Variants in KDM4C observed in about 807,000 individuals in gnomAD.
The protein encoded by KDM4C is lysine-specific demethylase 4C.
A neutral mutation model predicts 129.3 loss-of-function variants in KDM4C; 81 were observed. The ratio of observed to expected loss-of-function variants is 0.63; its 90% confidence interval spans 0.52 to 0.75. The LOEUF is 0.75. Among genes scored for constraint, KDM4C ranks in the 30% least tolerant of loss-of-function variants. KDM4C has a pLI of 0.00. For missense variants in KDM4C, 1,457 were observed against 1,304.0 expected (o/e 1.12, Z -1.81); for synonymous variants, 573 against 456.1 (o/e 1.26, Z -3.26).
At chr9:7,101,270 C>T (rs559067002) in intron 17 of KDM4C, among the ~76,000 whole-genome samples, 1 of 152,220 alleles carries the variant, frequency 6.6e-6, no homozygotes, top group Admixed American at 6.5e-5. Context: ...TGTCTTTAAC[C>T]TACTAGATTC....
intron 8 of KDM4C, chr9:6,973,677 A>C (rs779741950): frequency 9.9e-5 from 15 of 152,168 alleles, no homozygotes; most frequent in Non-Finnish European, 1.6e-4. Context: ...TAGAGCTTCT[A>C]TTCTGGGAAT....
intron 15 of KDM4C, among the ~76,000 whole-genome samples, chr9:7,045,245 C>T (rs757598467): frequency 2.0e-5 from 3 of 151,990 alleles, no homozygotes; most frequent in Non-Finnish European, 2.9e-5. Flanking sequence ...TAACTTGTCC[C>T]TTTAGGCTTC....
intron 7 of KDM4C, among the ~76,000 whole-genome samples, chr9:6,891,251 A>G (rs1009957028): frequency 1.3e-5 from 2 of 152,154 alleles, no homozygotes; most frequent in Non-Finnish European, 2.9e-5. Context: ...CAAATTGGAA[A>G]TGACCAAATG....
At position 6,720,977 on chromosome 9, in the gene KDM4C, G is replaced by A. The variant is rs376363768; in HGVS notation, c.29G>A (p.Arg10Lys). ...AAGCACTATGGGCTGCCCTGGAAGA[G>A]GACTGAAGAAGCAGCTGCAGGTGAG... Residue 10 changes from arginine to lysine, a missense_variant, in exon 1 of 18, where the codon AGG (arginine) becomes AAG (lysine). Physicochemically the swap from Arg to Lys is conservative, Grantham distance 26 (BLOSUM62 2). Transcript: ENST00000536108. 13 of 1,551,536 alleles carry A rather than the reference G, an allele frequency of 8.4e-6. No homozygotes were observed. In the African/African-American group the frequency reaches 1.6e-4, roughly 20 times the overall value.
chr9:6,825,730 A>G lies in KDM4C; in HGVS notation c.435+10985A>G, dbSNP rs546032761. 4.4e-4 allele frequency among the ~76,000 whole-genome samples: 67 copies of G among 152,284 alleles called. No individual in the cohort carries two copies. The South Asian group carries it at 0.013, about 30-fold the overall frequency. ...AATTTGCTGGCCTATTGCTTTTGTT[A>G]TCTTCAGGTATTTATTAATGGAAAA... On this transcript the variant is annotated intron_variant, in intron 4 of 21. Coordinates refer to ENST00000381309, the MANE Select transcript of KDM4C (RefSeq NM_015061.6).
chr9:7,085,847 T>C (rs1390602265), intron 17 of KDM4C, among the ~76,000 whole-genome samples: 1 of 151,714 alleles, frequency 6.6e-6, no homozygotes, highest in African/African-American at 2.4e-5. Flanking sequence ...CTTTCTTTTT[T>C]ATTTTTCATT....
intron 8 of KDM4C, among the ~76,000 whole-genome samples, chr9:6,899,116 C>T (rs1816930692): frequency 6.6e-6 from 1 of 151,042 alleles, no homozygotes; most frequent in African/African-American, 2.4e-5. Flanking sequence ...TCTGATGGTA[C>T]AGTGTAACAG....
intron 15 of KDM4C, among the ~76,000 whole-genome samples, chr9:7,035,407 T>C (rs1354180940): frequency 2.7e-5 from 4 of 148,670 alleles, no homozygotes; most frequent in African/African-American, 9.8e-5. Flanking sequence ...TTCAGATGAG[T>C]AGTTTGCAAA....
intron 6 of KDM4C, among the ~76,000 whole-genome samples, chr9:6,886,747 C>G (rs1043237891): frequency 6.6e-6 from 1 of 152,134 alleles, no homozygotes; most frequent in Admixed American, 6.6e-5. Context: ...CCGCCTCAGC[C>G]TCCCAAAGTG....
intron 5 of KDM4C, among the ~76,000 whole-genome samples, chr9:6,852,334 A>G (rs1838999587): frequency 6.6e-6 from 1 of 152,158 alleles, no homozygotes; most frequent in African/African-American, 2.4e-5. Context: ...TCAGGGCTGT[A>G]GTCTTTATTA....
At chr9:6,852,309 A>T (rs544112351) in intron 5 of KDM4C, among the ~76,000 whole-genome samples, 1 of 152,334 alleles carries the variant, frequency 6.6e-6, no homozygotes, top group South Asian at 2.1e-4. Flanking sequence ...AGCTTAGGAC[A>T]CGAGGGCCCA....
At chr9:6,918,059 G>A (rs923923363) in intron 8 of KDM4C, among the ~76,000 whole-genome samples, 3 of 152,164 alleles carry the variant, frequency 2.0e-5, no homozygotes, top group Non-Finnish European at 4.4e-5. Context: ...TAGATGTGCA[G>A]GTTTGTTACA....
chr9:6,872,081 C>G (rs1417774933), intron 5 of KDM4C, among the ~76,000 whole-genome samples: 1 of 151,958 alleles, frequency 6.6e-6, no homozygotes, highest in Non-Finnish European at 1.5e-5. Flanking sequence ...AGGTTGACAC[C>G]TATGTGAGTG....
intron 1 of KDM4C, among the ~76,000 whole-genome samples, chr9:6,729,088 C>G (rs1233599392): frequency 3.3e-5 from 5 of 149,484 alleles, no homozygotes; most frequent in South Asian, 2.1e-4. Context: ...GTCTGTAATC[C>G]CAGCTACTCG....
At chr9:7,128,319 T>G in intron 19 of KDM4C, 83 bp downstream of exon 19, 1 of 1,134,142 alleles carries the variant, frequency 8.8e-7, no homozygotes, top group Non-Finnish European at 1.2e-6. Flanking sequence ...AGAATTTTTC[T>G]TTTGGCTTTT....
chr9:6,876,311 C>T (rs182568419), intron 5 of KDM4C, among the ~76,000 whole-genome samples: 107 of 152,264 alleles, frequency 7.0e-4, no homozygotes, highest in Admixed American at 2.2e-3. Flanking sequence ...AAATATGACT[C>T]AGTTGCTGCA....
intron 8 of KDM4C, among the ~76,000 whole-genome samples, chr9:6,900,686 C>T (rs994952207): frequency 2.0e-5 from 3 of 152,194 alleles, no homozygotes; most frequent in African/African-American, 4.8e-5. Context: ...TCTTCTCTGT[C>T]GATAAACCTA....
intron 15 of KDM4C, among the ~76,000 whole-genome samples, chr9:7,020,456 C>T (rs1363371005): frequency 6.6e-6 from 1 of 152,156 alleles, no homozygotes; most frequent in Non-Finnish European, 1.5e-5. Context: ...ATTTCATTTT[C>T]AGCTCTGTTT....
At chr9:7,111,938 G>A (rs1236224863) in intron 18 of KDM4C, among the ~76,000 whole-genome samples, 2 of 152,098 alleles carry the variant, frequency 1.3e-5, no homozygotes, top group African/African-American at 4.8e-5. Context: ...AGAGGAGATG[G>A]GTCATGGTGA....
Sources: gnomAD v4.1 joint callset for allele counts (sites outside exome capture counted in the v4.1 genomes callset) on GRCh38, gnomAD v4.1.1 for gene constraint, MANE v1.5 for transcripts, NCBI Gene and HGNC (gene_info 2026-07-23, HGNC 2026-07-21) for gene names.